The following BIRC6 variants were observed in gnomAD, a reference collection of about 807,000 sequenced individuals.
BIRC6 encodes the protein baculoviral IAP repeat containing 6.
In BIRC6, 98 loss-of-function variants were observed where a neutral mutation model predicts 503.3. The observed-to-expected ratio is 0.19, with a 90% CI of 0.17 to 0.23. BIRC6 has a LOEUF of 0.23. BIRC6 is among the 10% of genes least tolerant of loss of function. The pLI, the probability that BIRC6 is intolerant of heterozygous loss-of-function variation, is 1.00. For missense variants in BIRC6, 5,360 were observed against 5,806.0 expected (o/e 0.92, Z 2.50); for synonymous variants, 2,240 against 2,078.7 (o/e 1.08, Z -2.11).
chr2:32,552,618 G>A (rs937243858), intron 65 of BIRC6, among the ~76,000 whole-genome samples: 2 of 152,088 alleles, frequency 1.3e-5, no homozygotes, highest in African/African-American at 4.8e-5. Context: ...CTGAGACACC[G>A]ATCCTATTCT....
At chr2:32,462,735 C>G (rs993401908) in intron 23 of BIRC6, among the ~76,000 whole-genome samples, 10 of 152,134 alleles carry the variant, frequency 6.6e-5, no homozygotes, top group South Asian at 2.1e-4. Context: ...GCTAGTGGAT[C>G]ACTTGAGGCC....
intron 65 of BIRC6, among the ~76,000 whole-genome samples, chr2:32,561,334 C>T (rs188327360): frequency 6.6e-6 from 1 of 151,834 alleles, no homozygotes; most frequent in African/African-American, 2.4e-5. Flanking sequence ...CTCCACTTCC[C>T]AAGCTCAAGT....
intron 65 of BIRC6, 110 bp from the exon 66 acceptor site, chr2:32,575,046 C>G: frequency 8.6e-7 from 1 of 1,168,466 alleles, no homozygotes; most frequent in Admixed American, 1.8e-5. Context: ...GCGTGCCCAG[C>G]CGGGTCAGCT....
chr2:32,485,526 C>G, intron 39 of BIRC6, 117 bp from the exon 40 acceptor site: 3 of 636,702 alleles, frequency 4.7e-6, no homozygotes, highest in South Asian at 2.2e-5. Flanking sequence ...GGTGGCTGTT[C>G]TGTAAGAACA....
intron 8 of BIRC6, among the ~76,000 whole-genome samples, chr2:32,405,494 C>G (rs1402463232): frequency 2.6e-5 from 4 of 152,126 alleles, no homozygotes; most frequent in Admixed American, 2.0e-4. Context: ...TGCGGAATAC[C>G]ACTTCATATT....
chr2:32,497,354 A>G (rs1362786828), intron 45 of BIRC6, among the ~76,000 whole-genome samples: 3 of 152,210 alleles, frequency 2.0e-5, no homozygotes, highest in Non-Finnish European at 2.9e-5. Flanking sequence ...CTCAAGGTAG[A>G]CACCCTTGGT....
At chr2:32,368,406 G>A (rs1284778611) in intron 1 of BIRC6, among the ~76,000 whole-genome samples, 2 of 151,978 alleles carry the variant, frequency 1.3e-5, no homozygotes, top group African/African-American at 4.8e-5. Flanking sequence ...CAGGCGTGGT[G>A]GTGTGCCCCT....
At chr2:32,496,785 A>T (rs1003326629) in intron 45 of BIRC6, among the ~76,000 whole-genome samples, 1 of 152,112 alleles carries the variant, frequency 6.6e-6, no homozygotes, top group African/African-American at 2.4e-5. Flanking sequence ...GTTTGGGCAG[A>T]TGTATTGCTT....
chr2:32,521,365 CAAAA>C (rs35410265), intron 57 of BIRC6, among the ~76,000 whole-genome samples: 18 of 21,512 alleles, frequency 8.4e-4, no homozygotes, highest in Admixed American at 2.2e-3. Context: ...GACCTCATCT[CAAAA>C]AAAAAAAAAA....
intron 73 of BIRC6, 33 bp downstream of exon 73, chr2:32,611,615 C>CT (rs2151734949): frequency 6.6e-7 from 1 of 1,507,960 alleles, no homozygotes; most frequent in Non-Finnish European, 8.9e-7. Context: ...AGCCTTGTTG[C>CT]TTTAAGAGTT....
chr2:32,617,875 A>C lies in BIRC6; in HGVS notation c.14545A>C (p.Lys4849Gln), dbSNP rs755725300. 6.2e-7 allele frequency: 1 copy of C among 1,613,738 alleles called. No homozygotes were observed. Among genetic ancestry groups the C allele is most frequent in the South Asian group, 1.1e-5 (1 of 91,012 alleles). ...MHDQVKPSSSKELPSDFQL is the reference protein window; with the variant it reads ...MHDQVKPSSSQELPSDFQL ...TGATCAGGTTAAACCCAGCAGCAGC[A>C]AAGAACTCCCCAGTGACTTCCAGTT... Residue 4849 changes from lysine to glutamine, a missense_variant, in exon 74 of 74, where the codon AAA (lysine) becomes CAA (glutamine). Transcript: ENST00000421745.
chr2:32,359,468 T>C (rs2033703857), intron 1 of BIRC6, among the ~76,000 whole-genome samples: 1 of 152,202 alleles, frequency 6.6e-6, no homozygotes, highest in African/African-American at 2.4e-5. Flanking sequence ...GGGTTTTAGA[T>C]GTATAACATG....
intron 4 of BIRC6, among the ~76,000 whole-genome samples, chr2:32,391,402 G>C (rs2039211950): frequency 6.6e-6 from 1 of 152,026 alleles, no homozygotes; most frequent in Non-Finnish European, 1.5e-5. Flanking sequence ...AAATGAGATA[G>C]GTCTTCTGTT....
At position 32,455,586 on chromosome 2, in the gene BIRC6, C is replaced by T. The variant is rs567429253; in HGVS notation, c.4753+1644C>T. Among the ~76,000 whole-genome samples the T allele has an allele frequency of 3.9e-5, 6 of 152,106 alleles. No individual in the cohort carries two copies. In the South Asian group the frequency reaches 6.2e-4, roughly 16 times the overall value. ...AGGTTGCAGTCAGCTGAGATTGTGC[C>T]GCTGCACTCTAGCCTGGGTGACAGA... On this transcript the variant is annotated intron_variant, in intron 23 of 73. Transcript: ENST00000421745.
intron 63 of BIRC6, among the ~76,000 whole-genome samples, chr2:32,546,434 G>C (rs1192991268): frequency 6.6e-6 from 1 of 152,018 alleles, no homozygotes; most frequent in Non-Finnish European, 1.5e-5. Context: ...GCAAAAATTT[G>C]CCGGACATGG....
intron 66 of BIRC6, among the ~76,000 whole-genome samples, chr2:32,592,656 C>T (rs190956769): frequency 8.6e-4 from 131 of 151,544 alleles, no homozygotes; most frequent in African/African-American, 3.1e-3. Context: ...AGTGTAATGA[C>T]GTGATCTCGG....
intron 9 of BIRC6, among the ~76,000 whole-genome samples, chr2:32,410,033 C>G (rs2041681658): frequency 6.6e-6 from 1 of 152,144 alleles, no homozygotes. Flanking sequence ...AGTCTCACCT[C>G]ACATACCATT....
At chr2:32,474,866 T>A (rs987803358) in intron 33 of BIRC6, among the ~76,000 whole-genome samples, 4 of 152,160 alleles carry the variant, frequency 2.6e-5, no homozygotes, top group African/African-American at 9.7e-5. Context: ...GGATAGAGTT[T>A]TTTTCATCTA....
intron 23 of BIRC6, among the ~76,000 whole-genome samples, chr2:32,455,851 C>A (rs2047205501): frequency 6.6e-6 from 1 of 152,042 alleles, no homozygotes; most frequent in Non-Finnish European, 1.5e-5. Flanking sequence ...TTTATTTCAC[C>A]CAAAATGAAA....
Sources: gnomAD v4.1 joint callset for allele counts (sites outside exome capture counted in the v4.1 genomes callset) on GRCh38, gnomAD v4.1.1 for gene constraint, MANE v1.5 for transcripts, NCBI Gene and HGNC (gene_info 2026-07-23, HGNC 2026-07-21) for gene names.